CPM: variants seen among roughly 807,000 people sequenced by gnomAD.
The protein encoded by CPM is carboxypeptidase M, also known as renal carboxypeptidase.
CPM carries 35 observed loss-of-function variants against 46.4 expected under a neutral mutation model. The ratio of observed to expected loss-of-function variants is 0.75; its 90% CI spans 0.58 to 1.00. CPM has a LOEUF of 1.00. Ranked by LOEUF, CPM falls within the 50% of genes least tolerant of loss-of-function variation. The pLI is 0.00. For synonymous variants in CPM, 195 were observed against 195.3 expected (o/e 1.00, Z 0.01); for missense variants, 422 against 530.4 (o/e 0.80, Z 2.01).
chr12:68,881,717 A>AT (rs1292851439), intron 3 of CPM, among the ~76,000 whole-genome samples: 2 of 121,948 alleles, frequency 1.6e-5, no homozygotes, highest in African/African-American at 3.3e-5. Flanking sequence ...TTTTGTAATA[A>AT]TTTTTTTTTC....
intron 2 of CPM, among the ~76,000 whole-genome samples, chr12:68,900,564 T>C (rs1201149937): frequency 1.3e-5 from 2 of 152,182 alleles, no homozygotes; most frequent in Non-Finnish European, 1.5e-5. Context: ...CTTACGTCCA[T>C]ATAAAAATTA....
chr12:68,882,899 A>G (rs1187855090), intron 3 of CPM, among the ~76,000 whole-genome samples: 1 of 152,252 alleles, frequency 6.6e-6, no homozygotes, highest in Non-Finnish European at 1.5e-5. Context: ...CAAGGCATAA[A>G]TAAGTAAAAT....
chr12:68,955,142 G>A (rs1216961155), intron 1 of CPM, among the ~76,000 whole-genome samples: 1 of 152,224 alleles, frequency 6.6e-6, no homozygotes, highest in Non-Finnish European at 1.5e-5. Context: ...GGCCGAGTGG[G>A]CAGAACGAGC....
At chr12:68,944,811 C>T (rs554434633) in intron 1 of CPM, among the ~76,000 whole-genome samples, 2 of 151,768 alleles carry the variant, frequency 1.3e-5, no homozygotes, top group Non-Finnish European at 2.9e-5. Flanking sequence ...AGAACTCAGA[C>T]GTTAGGATTT....
chr12:68,936,209 A>T (rs142990466), upstream of CPM, among the ~76,000 whole-genome samples: 386 of 152,300 alleles, frequency 2.5e-3, 4 homozygotes, highest in African/African-American at 8.7e-3. Flanking sequence ...CTGAATCAGA[A>T]CACACATTTT....
At chr12:68,872,806 A>G (rs1482601421) in intron 3 of CPM, among the ~76,000 whole-genome samples, 2 of 151,786 alleles carry the variant, frequency 1.3e-5, no homozygotes, top group Admixed American at 1.3e-4. Flanking sequence ...GAGAAACTTC[A>G]TATCATTATC....
chr12:68,877,706 GA>G (rs34075130), intron 3 of CPM, among the ~76,000 whole-genome samples: 23,070 of 152,162 alleles, frequency 0.15, 3,531 homozygotes, highest in African/African-American at 0.39. Flanking sequence ...ACTATCACCT[GA>G]GGATAGTGGT....
At chr12:68,846,579 C>T (rs1884312298), downstream of CPM, 1 of 152,064 alleles carries the variant, frequency 6.6e-6, no homozygotes, top group Non-Finnish European at 1.5e-5. Flanking sequence ...TACGTTTGGT[C>T]CTATTTTTGG....
chr12:68,914,307 A>G (rs554147684), intron 2 of CPM, among the ~76,000 whole-genome samples: 5 of 152,056 alleles, frequency 3.3e-5, no homozygotes, highest in Middle Eastern at 3.4e-3. Flanking sequence ...AAGTCTGTAT[A>G]CTTAAAAAAA....
chr12:68,933,762 G>C (rs925217693), upstream of CPM, among the ~76,000 whole-genome samples: 1 of 152,224 alleles, frequency 6.6e-6, no homozygotes, highest in African/African-American at 2.4e-5. Flanking sequence ...GTGTGTGGAA[G>C]TTTTAAATGC....
At chr12:68,877,070 A>C (rs1592651962) in intron 3 of CPM, among the ~76,000 whole-genome samples, 1 of 152,134 alleles carries the variant, frequency 6.6e-6, no homozygotes, top group Non-Finnish European at 1.5e-5. Flanking sequence ...TATTTGTCTG[A>C]CCTGCCTAGC....
chr12:68,846,687 A>C (rs117084239), downstream of CPM: 1 of 152,218 alleles, frequency 6.6e-6, no homozygotes, highest in Non-Finnish European at 1.5e-5. Flanking sequence ...GTTCTACTGG[A>C]TTATTTTAGA....
At chr12:68,869,560 A>G (rs780564474) in intron 5 of CPM, 65 bp from the exon 6 acceptor site, 11 of 1,433,498 alleles carry the variant, frequency 7.7e-6, no homozygotes, top group Non-Finnish European at 9.5e-6. Context: ...CACAAACACC[A>G]TATTAGCAAA....
In CPM at chr12:68,869,437, A is replaced by G. The variant is rs369213604; in HGVS notation, c.675T>C (p.Leu225=). ...GATTTCTTGAAGCATAGGTATGTGC[A>G]AGATATTGAAAAACATCATCATCAG... ...LTPDDDVFQY[L]AHTYASRNPN... The change falls in exon 6 of 9, where the codon CTT becomes CTC. Residue 225 remains leucine, a synonymous_variant. Transcript: ENST00000551568. 9.9e-6 allele frequency: 16 copies of G among 1,613,670 alleles called. No individual in the cohort carries two copies. The highest frequency in any genetic ancestry group is 1.7e-4 in the Middle Eastern group (1 of 6,054).
At chr12:68,897,055 G>A (rs1368931252) in intron 2 of CPM, among the ~76,000 whole-genome samples, 2 of 152,022 alleles carry the variant, frequency 1.3e-5, no homozygotes, top group African/African-American at 4.8e-5. Context: ...ACAGGAAGAC[G>A]GTAGGAAATT....
intron 2 of CPM, among the ~76,000 whole-genome samples, chr12:68,899,476 C>T (rs920431224): frequency 3.9e-5 from 6 of 152,156 alleles, no homozygotes; most frequent in Admixed American, 3.3e-4. Context: ...TTGAGGACAT[C>T]GTGTAGATTT....
At chr12:68,844,925 G>A (rs368756454) in intron 5 of CPM, 8 of 198,166 alleles carry the variant, frequency 4.0e-5, no homozygotes, top group South Asian at 1.9e-4. Context: ...CTGTCACCAC[G>A]CCCCGCTAAT....
chr12:68,868,237 G>A (rs958792442), intron 6 of CPM, among the ~76,000 whole-genome samples: 1 of 152,188 alleles, frequency 6.6e-6, no homozygotes, highest in African/African-American at 2.4e-5. Flanking sequence ...AGAGGGGGCT[G>A]TATCTTGGAC....
At chr12:68,874,445 A>AT (rs1394551684) in intron 3 of CPM, among the ~76,000 whole-genome samples, 1 of 151,778 alleles carries the variant, frequency 6.6e-6, no homozygotes, top group Non-Finnish European at 1.5e-5. Context: ...GTGAAACCCC[A>AT]TCTCTACTAA....
Sources: allele counts gnomAD v4.1 joint callset (sites outside exome capture counted in the v4.1 genomes callset), GRCh38; gene constraint gnomAD v4.1.1; transcripts MANE v1.5; gene names NCBI Gene and HGNC (gene_info 2026-07-23, HGNC 2026-07-21).